Variants in ZDHHC15 observed in about 807,000 individuals in gnomAD.
ZDHHC15 encodes zDHHC palmitoyltransferase 15.
In ZDHHC15, 19 loss-of-function variants were observed where a neutral mutation model predicts 31.7. The ratio of observed to expected loss-of-function variants is 0.60; its 90% CI spans 0.42 to 0.88. The LOEUF is 0.88. Among genes scored for constraint, ZDHHC15 ranks in the 40% least tolerant of loss-of-function variants. The pLI is 0.00. For synonymous variants in ZDHHC15, 103 were observed against 90.0 expected, an observed-to-expected ratio of 1.14 and a Z score of -0.82; for missense variants, 209 against 251.2, an observed-to-expected ratio of 0.83 and a Z score of 1.14.
At chrX:75,416,718 C>A (rs2083552891) in intron 10 of ZDHHC15, among the ~76,000 whole-genome samples, 2 of 111,188 alleles carry the variant, frequency 1.8e-5, no homozygotes, top group African/African-American at 3.3e-5. Flanking sequence ...AAAATTTAAC[C>A]AATGTGAATG....
intron 3 of ZDHHC15, among the ~76,000 whole-genome samples, chrX:75,466,382 C>T (rs995854120): frequency 3.6e-5 from 4 of 111,399 alleles, no homozygotes; most frequent in African/African-American, 9.8e-5. Context: ...GATAGTGTGG[C>T]AATTCCTTGA....
In ZDHHC15 at chrX:75,429,175, G is replaced by GA; in HGVS notation, c.505dup (p.Ser169PhefsTer42). Reference sequence around the variant, plus strand: ...GAATTGAAGGAAGAATTTGTAGTTGGAAAATCCAATGCAGTTATTAACCCT... The same window carrying GA: ...GAATTGAAGGAAGAATTTGTAGTTGGAAAAATCCAATGCAGTTATTAACCCT... On this transcript the variant is annotated frameshift_variant, in exon 7 of 12. Coordinates refer to ENST00000373367, the MANE Select transcript of ZDHHC15 (RefSeq NM_144969.3). LOFTEE classifies it high-confidence loss of function. The GA allele has an allele frequency of 8.3e-7, 1 of 1,204,883 alleles. No homozygotes were observed. The highest frequency in any genetic ancestry group is 1.1e-6 in the Non-Finnish European group (1 of 893,112).
chrX:75,499,794 AAAT>A (rs2085062856), intron 2 of ZDHHC15, among the ~76,000 whole-genome samples: 1 of 111,349 alleles, frequency 9.0e-6, no homozygotes, highest in Non-Finnish European at 1.9e-5. Flanking sequence ...GTTTAAAATA[AAAT>A]AATAAAATAA....
rs907593807 is a variant in ZDHHC15, at chrX:75,372,961, A to C, written c.*33-16T>G. ...ATGGTGAGTCCTGGGAATGAAGAGAAGAAATTCACAGATGAGCTGAACAAC... is the reference window on the plus strand; with the variant it reads ...ATGGTGAGTCCTGGGAATGAAGAGACGAAATTCACAGATGAGCTGAACAAC... On this transcript the variant is annotated splice_polypyrimidine_tract_variant and intron_variant, in intron 11 of 11. Transcript: ENST00000373367. 1.8e-5 allele frequency: 2 copies of C among 112,028 alleles called. No individual in the cohort carries two copies. Among genetic ancestry groups the C allele is most frequent in the Non-Finnish European group, 3.8e-5 (2 of 53,156 alleles). The allele number at this position is 112,028 out of a possible 1,213,427, so 9.2% of individuals were successfully genotyped here.
chrX:75,429,861 G>A, intron 6 of ZDHHC15, 87 bp downstream of exon 6: 1 of 943,172 alleles, frequency 1.1e-6, no homozygotes, highest in African/African-American at 2.0e-5. Flanking sequence ...GGCAGAAACA[G>A]GCATGTGACA....
chrX:75,486,838 C>G (rs1028248639), intron 2 of ZDHHC15, among the ~76,000 whole-genome samples: 2 of 111,111 alleles, frequency 1.8e-5, no homozygotes, highest in African/African-American at 6.6e-5. Flanking sequence ...GCAGCAAGCC[C>G]CACCCAAGGA....
chrX:75,442,465 C>T (rs1348184933), intron 4 of ZDHHC15, among the ~76,000 whole-genome samples: 1 of 111,850 alleles, frequency 8.9e-6, no homozygotes, highest in Non-Finnish European at 1.9e-5. Context: ...TCTCAGGATA[C>T]AAAATCAATG....
chrX:75,410,580 G>A (rs1026461933), intron 10 of ZDHHC15, among the ~76,000 whole-genome samples: 7 of 111,411 alleles, frequency 6.3e-5, no homozygotes, highest in African/African-American at 9.8e-5. Context: ...AAATAAGACC[G>A]TGAATAATGG....
chrX:75,373,377 G>T (rs1002862487), intron 11 of ZDHHC15, among the ~76,000 whole-genome samples: 2 of 111,559 alleles, frequency 1.8e-5, no homozygotes. Flanking sequence ...CATAACTCTA[G>T]AAAAATAATG....
intron 2 of ZDHHC15, among the ~76,000 whole-genome samples, chrX:75,488,502 C>A (rs1052403207): frequency 1.8e-5 from 2 of 112,492 alleles, no homozygotes; most frequent in Non-Finnish European, 3.8e-5. Context: ...GCCAGCTCTA[C>A]AAGAAATGTT....
At chrX:75,462,098 A>C (rs2084325680) in intron 3 of ZDHHC15, among the ~76,000 whole-genome samples, 1 of 112,037 alleles carries the variant, frequency 8.9e-6, no homozygotes, top group East Asian at 2.8e-4. Flanking sequence ...TATCAAACAA[A>C]TGAAAAACAG....
intron 1 of ZDHHC15, among the ~76,000 whole-genome samples, chrX:75,506,299 C>T (rs1177509465): frequency 9.0e-6 from 1 of 111,408 alleles, no homozygotes; most frequent in East Asian, 2.8e-4. Flanking sequence ...ACAAAACAAA[C>T]AAAAGATGGT....
chrX:75,451,961 A>G (rs1253581791), intron 3 of ZDHHC15, among the ~76,000 whole-genome samples: 3 of 111,624 alleles, frequency 2.7e-5, no homozygotes, highest in Non-Finnish European at 5.6e-5. Context: ...TGCTAGGAAG[A>G]AACTGCATCA....
Position 75,371,300 on chromosome X carries a change from T to C in ZDHHC15, c.*1678A>G, listed in dbSNP as rs1427214374. On this transcript the variant is annotated 3_prime_UTR_variant, in exon 12 of 12. Coordinates refer to ENST00000373367, the MANE Select transcript of ZDHHC15 (RefSeq NM_144969.3). ...CATCTGAATATATAAGAAGATTTCA[T>C]CTTGAAACCCAGTGTGTGCATAGTC... 8.9e-6 allele frequency: 1 copy of C among 111,895 alleles called. No homozygotes were observed. Among genetic ancestry groups the C allele is most frequent in the Admixed American group, 9.5e-5 (1 of 10,563 alleles). 9.2% of individuals were successfully genotyped at this position (111,895 alleles called of 1,213,427 possible).
At chrX:75,476,908 T>C (rs1179865353) in intron 3 of ZDHHC15, among the ~76,000 whole-genome samples, 1 of 111,104 alleles carries the variant, frequency 9.0e-6, no homozygotes, top group Non-Finnish European at 1.9e-5. Context: ...CTTTATTATT[T>C]CCTTCTGATT....
intron 2 of ZDHHC15, among the ~76,000 whole-genome samples, chrX:75,498,692 G>A (rs1277782998): frequency 9.0e-6 from 1 of 111,640 alleles, no homozygotes; most frequent in Non-Finnish European, 1.9e-5. Flanking sequence ...AATCAATATT[G>A]TGAAAATGAC....
chrX:75,511,775 T>A (rs1483167124), intron 1 of ZDHHC15, among the ~76,000 whole-genome samples: 1 of 71,932 alleles, frequency 1.4e-5, no homozygotes, highest in African/African-American at 5.4e-5. Flanking sequence ...GAATCCTCCC[T>A]AACTCATTTT....
Position 75,407,691 on chromosome X carries a change from G to A in ZDHHC15, c.967+9396C>T, listed in dbSNP as rs763315008. Reference sequence around the variant, plus strand: ...AAGTGAGGAGCCCCTCTGCCCGGCCGCCACCCCATCTGGGAGGTGTGCCCA... The same window carrying A: ...AAGTGAGGAGCCCCTCTGCCCGGCCACCACCCCATCTGGGAGGTGTGCCCA... On this transcript the variant is annotated intron_variant, in intron 10 of 11. Transcript: ENST00000373367. Among the ~76,000 whole-genome samples the A allele has an allele frequency of 3.6e-3, 401 of 112,685 alleles. 5 individuals are homozygous for A. The highest frequency in any genetic ancestry group is 0.012 in the African/African-American group (375 of 31,115).
At chrX:75,444,315 G>T (rs758257882) in intron 4 of ZDHHC15, among the ~76,000 whole-genome samples, 2 of 108,733 alleles carry the variant, frequency 1.8e-5, no homozygotes, top group Admixed American at 2.0e-4. Flanking sequence ...CATGTCCTTT[G>T]TAGGGACATG....
Sources: gnomAD v4.1 joint callset for allele counts (sites outside exome capture counted in the v4.1 genomes callset) on GRCh38, gnomAD v4.1.1 for gene constraint, MANE v1.5 for transcripts, NCBI Gene and HGNC (gene_info 2026-07-23, HGNC 2026-07-21) for gene names.